Variants in ZC3H14 observed in about 807,000 individuals in gnomAD.
The protein encoded by ZC3H14 is zinc finger CCCH domain-containing protein 14.
Under a neutral mutation model 92.4 loss-of-function variants are expected in ZC3H14, and 31 were observed. That is an observed-to-expected ratio of 0.34 (90% CI 0.25 to 0.45). The LOEUF is 0.45. Ranked by LOEUF, ZC3H14 falls within the 20% of genes least tolerant of loss-of-function variation. The pLI is 1.00. For missense variants in ZC3H14, 781 were observed against 897.3 expected (o/e 0.87, Z 1.66); for synonymous variants, 321 against 300.9 (o/e 1.07, Z -0.69).
In ZC3H14 at chr14:88,609,040, G is replaced by T. The variant is rs536713472; in HGVS notation, c.1869-227G>T. 4 of 540,074 alleles carry T rather than the reference G, an allele frequency of 7.4e-6. No individual in the cohort carries two copies. In the South Asian group the frequency reaches 8.8e-5, roughly 12 times the overall value. 33.5% of individuals were successfully genotyped at this position (540,074 alleles called of 1,614,324 possible). Reference sequence around the variant, plus strand: ...ATCACAAAAGCTTGTCTTTCTTGGTGGCTTGGCTTGAGTTAAAAGCCTGTG... The same window carrying T: ...ATCACAAAAGCTTGTCTTTCTTGGTTGCTTGGCTTGAGTTAAAAGCCTGTG... On this transcript the variant is annotated intron_variant, in intron 13 of 16. Transcript: ENST00000251038.
rs747512516 is a variant in ZC3H14, at chr14:88,616,116, C to T, written c.*4365C>T. ...CTCTTAACTAGTAACATAGTCTGCT[C>T]TTCATGGGCTGAGAAAGTTACTAAC... On this transcript the variant is annotated 3_prime_UTR_variant, in exon 17 of 17. Transcript: ENST00000251038. The T allele has an allele frequency of 2.5e-6, 4 of 1,609,532 alleles. No individual in the cohort carries two copies. The highest frequency in any genetic ancestry group is 2.2e-5 in the South Asian group (2 of 90,908).
At chr14:88,571,340 G>A (rs991938638) in intron 4 of ZC3H14, among the ~76,000 whole-genome samples, 6 of 151,988 alleles carry the variant, frequency 3.9e-5, no homozygotes, top group East Asian at 1.9e-4. Context: ...CACTTTATCC[G>A]AAGGAAATAA....
At chr14:88,609,620 G>T in intron 14 of ZC3H14, 92 bp from the exon 15 acceptor site, 1 of 1,479,066 alleles carries the variant, frequency 6.8e-7, no homozygotes, top group Non-Finnish European at 9.4e-7. Flanking sequence ...ATTTAAAAAT[G>T]GTTTTCACTT....
chr14:88,574,883 T>C (rs2080957373), intron 7 of ZC3H14, 30 bp downstream of exon 7: 1 of 1,613,882 alleles, frequency 6.2e-7, no homozygotes, highest in Admixed American at 1.7e-5. Flanking sequence ...AAATTAATCT[T>C]TAACTGCCTT....
chr14:88,604,441 A>G (rs1269376791), intron 12 of ZC3H14, among the ~76,000 whole-genome samples: 2 of 152,016 alleles, frequency 1.3e-5, no homozygotes, highest in Admixed American at 1.3e-4. Flanking sequence ...TCTCTGCACC[A>G]CTTCCCCTGT....
In ZC3H14 at chr14:88,621,575, T is replaced by C. The variant is rs2088952629; in HGVS notation, c.*9824T>C. 4.3e-6 allele frequency: 2 copies of C among 463,298 alleles called. No homozygotes were observed. Among genetic ancestry groups the C allele is most frequent in the Admixed American group, 7.3e-5 (2 of 27,214 alleles). 28.7% of individuals were successfully genotyped at this position (463,298 alleles called of 1,614,324 possible). ...CCTGGATTCTTCAATAATCAAAGTTTTTATTTGATAATCTTAGGATTTCCA... is the reference window on the plus strand; with the variant it reads ...CCTGGATTCTTCAATAATCAAAGTTCTTATTTGATAATCTTAGGATTTCCA... On this transcript the variant is annotated 3_prime_UTR_variant, in exon 17 of 17. Transcript: ENST00000251038.
intron 3 of ZC3H14, among the ~76,000 whole-genome samples, chr14:88,568,477 A>G (rs2079978352): frequency 6.6e-6 from 1 of 152,260 alleles, no homozygotes; most frequent in Admixed American, 6.5e-5. Context: ...AGACTTATAT[A>G]AAATCATCAG....
chr14:88,567,421 CTTTTTTTTTTT>C (rs75032234), intron 2 of ZC3H14, among the ~76,000 whole-genome samples: 1 of 128,708 alleles, frequency 7.8e-6, no homozygotes, highest in African/African-American at 2.8e-5. Flanking sequence ...GGCCTTTTTT[CTTTTTTTTTTT>C]TTTTTATCCT....
chr14:88,573,543 C>T (rs1399143040), intron 6 of ZC3H14: 1 of 152,048 alleles, frequency 6.6e-6, no homozygotes. Context: ...AAGCGATTCT[C>T]CTGCTTCAGC....
At chr14:88,605,001 A>G (rs186656194) in intron 12 of ZC3H14, among the ~76,000 whole-genome samples, 2 of 152,358 alleles carry the variant, frequency 1.3e-5, no homozygotes, top group South Asian at 2.1e-4. Context: ...TGACCTTCGT[A>G]TGACTTAATG....
intron 9 of ZC3H14, chr14:88,594,951 C>T (rs772780559): frequency 4.3e-6 from 7 of 1,613,606 alleles, no homozygotes; most frequent in African/African-American, 1.3e-5. Context: ...TTAGAGTGTC[C>T]AAGAATGAAG....
In ZC3H14 at chr14:88,609,696, G is replaced by C; in HGVS notation, c.2006-16G>C. On this transcript the variant is annotated splice_polypyrimidine_tract_variant and intron_variant, in intron 14 of 16. Transcript: ENST00000251038. ...CCAAACAGATTGGAGATCAGTCCTG[G>C]TTTTTATTTTGTTAGCAGTTGCACC... 1.2e-6 allele frequency: 2 copies of C among 1,613,940 alleles called. No individual in the cohort carries two copies. The highest frequency in any genetic ancestry group is 1.7e-6 in the Non-Finnish European group (2 of 1,179,864).
rs1275014331 is a variant in ZC3H14, at chr14:88,614,982, TA to T, written c.*3234del. On this transcript the variant is annotated 3_prime_UTR_variant, in exon 17 of 17. Coordinates refer to ENST00000251038, the MANE Select transcript of ZC3H14 (RefSeq NM_024824.5). ...CAAATGTGTATATATTAGACTACATTAAATATGCAATTCTTTCTTCCAGTTA... is the reference window on the plus strand; with the variant it reads ...CAAATGTGTATATATTAGACTACATTAATATGCAATTCTTTCTTCCAGTTA... 6.6e-6 allele frequency: 1 copy of T among 152,238 alleles called. No homozygotes were observed. Among genetic ancestry groups the T allele is most frequent in the African/African-American group, 2.4e-5 (1 of 41,476 alleles). The allele number at this position is 152,238 out of a possible 1,614,324, so 9.4% of individuals were successfully genotyped here.
chr14:88,609,707 G>A lies in ZC3H14; in HGVS notation c.2006-5G>A, dbSNP rs763619950. The A allele has an allele frequency of 2.5e-6, 4 of 1,613,886 alleles. No individual in the cohort carries two copies. The highest frequency in any genetic ancestry group is 1.3e-5 in the African/African-American group (1 of 74,906). ...GGAGATCAGTCCTGGTTTTTATTTTGTTAGCAGTTGCACCACCAGCACCAC... is the reference window on the plus strand; with the variant it reads ...GGAGATCAGTCCTGGTTTTTATTTTATTAGCAGTTGCACCACCAGCACCAC... On this transcript the variant is annotated splice_region_variant and splice_polypyrimidine_tract_variant and intron_variant, in intron 14 of 16. Coordinates refer to ENST00000251038, the MANE Select transcript of ZC3H14 (RefSeq NM_024824.5).
Position 88,606,747 on chromosome 14 carries a change from T to TAA in ZC3H14, c.1748-474_1748-473dup, listed in dbSNP as rs34408574. ...TGGGTGACAGAGCAGGACCCTGTCGTAAAAAAAAAAAAAAAAAAAAAAAGT... is the reference window on the plus strand; with the variant it reads ...TGGGTGACAGAGCAGGACCCTGTCGTAAAAAAAAAAAAAAAAAAAAAAAAAGT... On this transcript the variant is annotated intron_variant, in intron 12 of 16. Transcript: ENST00000251038. 7.2e-3 allele frequency among the ~76,000 whole-genome samples: 693 copies of TAA among 95,756 alleles called. 4 individuals carry two copies. The highest frequency in any genetic ancestry group is 0.015 in the African/African-American group (367 of 24,180). 62.8% of individuals were successfully genotyped at this position (95,756 alleles called of 152,430 possible).
At position 88,618,157 on chromosome 14, in the gene ZC3H14, C is replaced by G; in HGVS notation, c.*6406C>G. 3.1e-6 allele frequency: 4 copies of G among 1,308,356 alleles called. No individual in the cohort carries two copies. The South Asian group carries it at 3.7e-5, about 12-fold the overall frequency. 81.0% of individuals were successfully genotyped at this position (1,308,356 alleles called of 1,614,324 possible). A position where few individuals can be genotyped will look rare whatever the true frequency, so the allele number is the denominator to read the frequency against. ...CTATTCCTTATTGGAATGGCTCTAA[C>G]AGTTCAGAAATAGGATTTTCTAACT... On this transcript the variant is annotated 3_prime_UTR_variant, in exon 17 of 17. Coordinates refer to ENST00000251038, the MANE Select transcript of ZC3H14 (RefSeq NM_024824.5).
chr14:88,583,564 TATA>T (rs773788723), intron 9 of ZC3H14, among the ~76,000 whole-genome samples: 6 of 152,200 alleles, frequency 3.9e-5, no homozygotes, highest in Non-Finnish European at 7.3e-5. Flanking sequence ...TAATTTCCAT[TATA>T]ATTTTCATCA....
At chr14:88,584,649 G>A (rs965120145) in intron 9 of ZC3H14, among the ~76,000 whole-genome samples, 3 of 152,164 alleles carry the variant, frequency 2.0e-5, no homozygotes, top group African/African-American at 7.2e-5. Context: ...TTAAAATGCT[G>A]TGTGATGCAA....
chr14:88,573,663 G>GGCCCT (rs1322562944), intron 6 of ZC3H14: 2 of 152,022 alleles, frequency 1.3e-5, no homozygotes, highest in Non-Finnish European at 2.9e-5. Flanking sequence ...TCCTGGCCCT[G>GGCCCT]TGATCCACCC....
Sources: gnomAD v4.1 joint callset for allele counts (sites outside exome capture counted in the v4.1 genomes callset) on GRCh38, gnomAD v4.1.1 for gene constraint, MANE v1.5 for transcripts, NCBI Gene and HGNC (gene_info 2026-07-23, HGNC 2026-07-21) for gene names.